The following CNTNAP2 variants were observed in gnomAD, a reference collection of about 807,000 sequenced individuals.
The protein encoded by CNTNAP2 is contactin associated protein 2, also known as contactin-associated protein-like 2.
In CNTNAP2, 98 loss-of-function variants were observed where a neutral mutation model predicts 155.2. That is an observed-to-expected ratio of 0.63 (90% CI 0.54 to 0.75). The LOEUF (loss-of-function observed/expected upper bound fraction) is 0.75. Ranked by LOEUF, CNTNAP2 falls within the 30% of genes least tolerant of loss-of-function variation. The pLI is 0.00. For missense variants in CNTNAP2, 1,727 were observed against 1,688.1 expected (o/e 1.02, Z -0.40); for synonymous variants, 651 against 631.2 (o/e 1.03, Z -0.47).
At chr7:146,254,075 A>G (rs1160512300) in intron 1 of CNTNAP2, among the ~76,000 whole-genome samples, 1 of 151,924 alleles carries the variant, frequency 6.6e-6, no homozygotes, top group African/African-American at 2.4e-5. Flanking sequence ...ACAAAACAGA[A>G]CAAAACAAAA....
chr7:147,417,800 G>T (rs1467559047), intron 10 of CNTNAP2, among the ~76,000 whole-genome samples: 1 of 152,144 alleles, frequency 6.6e-6, no homozygotes, highest in Non-Finnish European at 1.5e-5. Flanking sequence ...AGGCAAGAAA[G>T]AAAGATAAGC....
chr7:147,404,338 G>A (rs935136489), intron 10 of CNTNAP2, among the ~76,000 whole-genome samples: 3 of 152,174 alleles, frequency 2.0e-5, no homozygotes, highest in South Asian at 4.1e-4. Flanking sequence ...TCCTTTTAGA[G>A]ACTGTGCTTC....
chr7:148,105,303 G>A (rs190204215), intron 15 of CNTNAP2, among the ~76,000 whole-genome samples: 1 of 152,266 alleles, frequency 6.6e-6, no homozygotes, highest in Admixed American at 6.5e-5. Flanking sequence ...GAGAGAAGGG[G>A]AGGATGTTGT....
At chr7:148,367,553 C>T (rs1414360360) in intron 21 of CNTNAP2, among the ~76,000 whole-genome samples, 3 of 151,764 alleles carry the variant, frequency 2.0e-5, no homozygotes, top group East Asian at 1.9e-4. Flanking sequence ...CCTGATTTGG[C>T]GTCTGCTTTG....
intron 1 of CNTNAP2, among the ~76,000 whole-genome samples, chr7:146,165,685 G>A (rs1798301933): frequency 6.6e-6 from 1 of 151,998 alleles, no homozygotes; most frequent in Non-Finnish European, 1.5e-5. Context: ...ACTTTATTAT[G>A]TCACAAAAAT....
At chr7:148,036,563 G>A (rs535668657) in intron 15 of CNTNAP2, among the ~76,000 whole-genome samples, 12 of 152,070 alleles carry the variant, frequency 7.9e-5, no homozygotes, top group African/African-American at 1.2e-4. Flanking sequence ...CACAAGACAC[G>A]GATGCCTTGA....
chr7:148,004,530 T>G (rs1801942782), intron 15 of CNTNAP2, among the ~76,000 whole-genome samples: 1 of 152,190 alleles, frequency 6.6e-6, no homozygotes, highest in African/African-American at 2.4e-5. Flanking sequence ...AGAAGCTTTG[T>G]TCATTTACAT....
At chr7:146,657,492 G>A (rs1800014834) in intron 1 of CNTNAP2, among the ~76,000 whole-genome samples, 1 of 152,118 alleles carries the variant, frequency 6.6e-6, no homozygotes, top group African/African-American at 2.4e-5. Context: ...CAAGTTTTCT[G>A]AGTTGCTCTC....
At chr7:147,171,439 A>C (rs922288146) in intron 8 of CNTNAP2, among the ~76,000 whole-genome samples, 1 of 152,182 alleles carries the variant, frequency 6.6e-6, no homozygotes, top group Non-Finnish European at 1.5e-5. Context: ...AAATGCCTGC[A>C]AGGAAATCAA....
chr7:147,089,852 G>A (rs1384847490), intron 4 of CNTNAP2, among the ~76,000 whole-genome samples: 1 of 152,136 alleles, frequency 6.6e-6, no homozygotes, highest in African/African-American at 2.4e-5. Flanking sequence ...ATAAGCACCC[G>A]TCCTCACTCT....
chr7:146,612,953 A>G (rs1323629182), intron 1 of CNTNAP2, among the ~76,000 whole-genome samples: 1 of 148,124 alleles, frequency 6.8e-6, no homozygotes, highest in Non-Finnish European at 1.5e-5. Context: ...TTTTTGCCAC[A>G]AACTCTTTTG....
intron 1 of CNTNAP2, among the ~76,000 whole-genome samples, chr7:146,360,756 C>T (rs935056447): frequency 3.9e-5 from 6 of 152,094 alleles, no homozygotes; most frequent in Non-Finnish European, 7.4e-5. Context: ...CACTGTGTTT[C>T]GACTGCAATA....
At chr7:146,191,279 G>A (rs1003422289) in intron 1 of CNTNAP2, among the ~76,000 whole-genome samples, 1 of 152,084 alleles carries the variant, frequency 6.6e-6, no homozygotes, top group Non-Finnish European at 1.5e-5. Context: ...CCCCTGAGCC[G>A]CAAAACCAGC....
intron 3 of CNTNAP2, among the ~76,000 whole-genome samples, chr7:146,858,717 C>T (rs573262648): frequency 6.6e-6 from 1 of 152,118 alleles, no homozygotes; most frequent in Admixed American, 6.6e-5. Flanking sequence ...AATTAATGAA[C>T]TATAAAATTT....
At chr7:147,739,882 A>G (rs1449273611) in intron 13 of CNTNAP2, among the ~76,000 whole-genome samples, 1 of 152,184 alleles carries the variant, frequency 6.6e-6, no homozygotes, top group Non-Finnish European at 1.5e-5. Context: ...TCTATTGAAT[A>G]CTGATTTCAG....
At chr7:146,175,983 A>T (rs578111607) in intron 1 of CNTNAP2, among the ~76,000 whole-genome samples, 1 of 152,276 alleles carries the variant, frequency 6.6e-6, no homozygotes, top group African/African-American at 2.4e-5. Flanking sequence ...ATGAAAAGTG[A>T]CTCACGTTAT....
At chr7:146,875,720 G>T (rs1795406670) in intron 3 of CNTNAP2, among the ~76,000 whole-genome samples, 1 of 151,606 alleles carries the variant, frequency 6.6e-6, no homozygotes. Flanking sequence ...TAAAACCCAG[G>T]TCCTTTATGA....
At chr7:146,572,189 T>C (rs1313323128) in intron 1 of CNTNAP2, among the ~76,000 whole-genome samples, 1 of 152,048 alleles carries the variant, frequency 6.6e-6, no homozygotes, top group Non-Finnish European at 1.5e-5. Flanking sequence ...GAGGATTATT[T>C]AGTCTAGACC....
chr7:146,650,725 C>T (rs1799896534), intron 1 of CNTNAP2, among the ~76,000 whole-genome samples: 1 of 151,766 alleles, frequency 6.6e-6, no homozygotes, highest in African/African-American at 2.4e-5. Flanking sequence ...TTCACCCCCT[C>T]GATATAATGG....
Sources: allele counts gnomAD v4.1 joint callset (sites outside exome capture counted in the v4.1 genomes callset), GRCh38; gene constraint gnomAD v4.1.1; transcripts MANE v1.5; gene names NCBI Gene and HGNC (gene_info 2026-07-23, HGNC 2026-07-21).